Variants in COL27A1 observed in about 807,000 individuals in gnomAD.
COL27A1 encodes collagen type XXVII alpha 1 chain.
A neutral mutation model predicts 251.3 loss-of-function variants in COL27A1; 106 were observed. The ratio of observed to expected loss-of-function variants is 0.42; its 90% CI spans 0.36 to 0.50. COL27A1 has a LOEUF of 0.50. Among genes scored for constraint, COL27A1 ranks in the 20% least tolerant of loss-of-function variants. The pLI, the probability that COL27A1 is intolerant of heterozygous loss-of-function variation, is 0.00. For missense variants in COL27A1, 2,325 were observed against 2,522.8 expected, an observed-to-expected ratio of 0.92 and a Z score of 1.68; for synonymous variants, 1,000 against 986.3, an observed-to-expected ratio of 1.01 and a Z score of -0.26.
Position 114,269,204 on chromosome 9 carries a change from T to G in COL27A1, c.3502-37T>G, listed in dbSNP as rs201166408. ...GGGTGTCGAGAGCTGGGGCTGGCCC[T>G]ACCCACCCGCAAGGACTTTTGTTCG... On this transcript the variant is annotated intron_variant, in intron 34 of 60. Coordinates refer to ENST00000356083, the MANE Select transcript of COL27A1 (RefSeq NM_032888.4). 249 of 1,536,482 alleles carry G rather than the reference T, an allele frequency of 1.6e-4. 1 individual carries two copies. The Middle Eastern group carries it at 2.1e-3, about 13-fold the overall frequency.
At chr9:114,268,073 C>T (rs1022802649) in intron 34 of COL27A1, among the ~76,000 whole-genome samples, 2 of 152,226 alleles carry the variant, frequency 1.3e-5, no homozygotes, top group African/African-American at 4.8e-5. Flanking sequence ...GTCTCCCTGT[C>T]ATTCAAAGAG....
In COL27A1 at chr9:114,306,507, C is replaced by T. The variant is rs1314469075; in HGVS notation, c.4939-13C>T. ...ACCCTAAGGTCCCAATGACCACCCT[C>T]TCCTCGTGACAGAGTTACAGCTATC... On this transcript the variant is annotated splice_polypyrimidine_tract_variant and intron_variant, in intron 57 of 60. Coordinates refer to ENST00000356083, the MANE Select transcript of COL27A1 (RefSeq NM_032888.4). 1.2e-6 allele frequency: 2 copies of T among 1,613,598 alleles called. No individual in the cohort carries two copies. The highest frequency in any genetic ancestry group is 1.7e-5 in the Admixed American group (1 of 59,964).
chr9:114,178,212 G>A, intron 3 of COL27A1, 79 bp from the exon 4 acceptor site: 1 of 1,214,078 alleles, frequency 8.2e-7, no homozygotes, highest in Non-Finnish European at 1.2e-6. Flanking sequence ...CTGCAGGCGG[G>A]ATTGTTGAAT....
chr9:114,255,616 C>T (rs566263462), intron 27 of COL27A1, among the ~76,000 whole-genome samples: 1 of 152,188 alleles, frequency 6.6e-6, no homozygotes, highest in Admixed American at 6.5e-5. Context: ...CTCCCCACCC[C>T]ACCCCATCTC....
At chr9:114,249,706 C>T (rs1833392342) in intron 24 of COL27A1, among the ~76,000 whole-genome samples, 1 of 152,196 alleles carries the variant, frequency 6.6e-6, no homozygotes, top group African/African-American at 2.4e-5. Flanking sequence ...CCCAAGGTCT[C>T]ATTTTACTCT....
chr9:114,254,121 G>C (rs186664832), intron 27 of COL27A1, among the ~76,000 whole-genome samples: 1 of 151,936 alleles, frequency 6.6e-6, no homozygotes, highest in African/African-American at 2.4e-5. Context: ...AGTCTGGTAT[G>C]GGGGGGCAGG....
chr9:114,311,148 T>G lies in COL27A1; in HGVS notation c.*453T>G, dbSNP rs867034141. On this transcript the variant is annotated 3_prime_UTR_variant, in exon 61 of 61. Coordinates refer to ENST00000356083, the MANE Select transcript of COL27A1 (RefSeq NM_032888.4). Reference sequence around the variant, plus strand: ...AAGGAAAGACAGAAGTGTATATATATATTATTTAAACAAACAAAAAGAAGG... The same window carrying G: ...AAGGAAAGACAGAAGTGTATATATAGATTATTTAAACAAACAAAAAGAAGG... 1 of 153,074 alleles carries G rather than the reference T, an allele frequency of 6.5e-6. No homozygotes were observed. Among genetic ancestry groups the G allele is most frequent in the Non-Finnish European group, 1.5e-5 (1 of 68,712 alleles). The allele number at this position is 153,074 out of a possible 1,614,324, so 9.5% of individuals were successfully genotyped here.
chr9:114,300,019 A>G (rs781496127), intron 49 of COL27A1, 51 bp from the exon 50 acceptor site: 1 of 1,595,528 alleles, frequency 6.3e-7, no homozygotes, highest in Non-Finnish European at 8.6e-7. Context: ...GGCTGGCGGG[A>G]CACGCTGACC....
At chr9:114,166,257 GTCCATCCATCCATCCACCCA>G (rs1055835020) in intron 2 of COL27A1, among the ~76,000 whole-genome samples, 6 of 91,826 alleles carry the variant, frequency 6.5e-5, no homozygotes, top group Middle Eastern at 0.012. Context: ...CCATCCATCT[GTCCATCCATCCATCCACCCA>G]TCCATCCATC....
chr9:114,159,989 G>A lies in COL27A1; in HGVS notation c.63-2726G>A, dbSNP rs553414850. ...CAGCTTGACACTTTGACCTTTAGTCGTTGCCCATGGTGAGCTGGGGGCCTG... is the reference window on the plus strand; with the variant it reads ...CAGCTTGACACTTTGACCTTTAGTCATTGCCCATGGTGAGCTGGGGGCCTG... On this transcript the variant is annotated intron_variant, in intron 1 of 60. Transcript: ENST00000356083. Among the ~76,000 whole-genome samples the A allele has an allele frequency of 5.9e-5, 9 of 152,284 alleles. No homozygotes were observed. In the South Asian group the frequency reaches 8.3e-4, roughly 14 times the overall value.
chr9:114,301,046 C>G, intron 51 of COL27A1, 26 bp from the exon 52 acceptor site: 1 of 1,585,726 alleles, frequency 6.3e-7, no homozygotes, highest in Non-Finnish European at 8.6e-7. Flanking sequence ...GGAACAAGGA[C>G]ACATGAGCCT....
At chr9:114,301,773 G>A in intron 55 of COL27A1, 56 bp downstream of exon 55, 10 of 1,527,758 alleles carry the variant, frequency 6.5e-6, no homozygotes, top group Non-Finnish European at 8.1e-6. Context: ...CTTTGAAGGA[G>A]ATTCAAGGCT....
chr9:114,239,210 T>A (rs1832596178), intron 19 of COL27A1, among the ~76,000 whole-genome samples: 1 of 152,236 alleles, frequency 6.6e-6, no homozygotes, highest in African/African-American at 2.4e-5. Flanking sequence ...CATCAGTGGG[T>A]TATATGCAAG....
Position 114,243,534 on chromosome 9 carries a change from G to A in COL27A1, c.2908G>A (p.Gly970Arg). 1 of 1,613,884 alleles carries A rather than the reference G, an allele frequency of 6.2e-7. No individual in the cohort carries two copies. Among genetic ancestry groups the A allele is most frequent in the Admixed American group, 1.7e-5 (1 of 60,006 alleles). ...TCAGCCTGGCAGGAAGGGGTTTCCT[G>A]GGAGGCCCGGCCTGGATGGCGTGAA... ...EGQPGRKGFP[G>R]RPGLDGVKGE... Residue 970 changes from glycine (G) to arginine (R), a missense_variant, in exon 23 of 61, where the codon GGG (glycine) becomes AGG (arginine). Coordinates refer to ENST00000356083, the MANE Select transcript of COL27A1 (RefSeq NM_032888.4).
intron 25 of COL27A1, among the ~76,000 whole-genome samples, chr9:114,250,934 C>T (rs976457265): frequency 6.6e-6 from 1 of 152,184 alleles, no homozygotes; most frequent in South Asian, 2.1e-4. Context: ...CTCCTCACAG[C>T]TGCCTACTGG....
chr9:114,267,833 C>T (rs193001414), intron 34 of COL27A1, among the ~76,000 whole-genome samples: 380 of 152,314 alleles, frequency 2.5e-3, no homozygotes, highest in Admixed American at 4.1e-3. Context: ...ATCTGCAGCT[C>T]GGTGCCAGTG....
At chr9:114,163,085 T>G in intron 2 of COL27A1, among the ~76,000 whole-genome samples, 1 of 151,938 alleles carries the variant, frequency 6.6e-6, no homozygotes, top group Non-Finnish European at 1.5e-5. Flanking sequence ...AATACAAAAA[T>G]TAGCTGGGTG....
At chr9:114,257,142 G>A (rs993853922) in intron 27 of COL27A1, among the ~76,000 whole-genome samples, 37 of 152,248 alleles carry the variant, frequency 2.4e-4, no homozygotes, top group Non-Finnish European at 5.9e-5. Context: ...CATGGGGAAA[G>A]GGAAATGGGA....
In COL27A1 at chr9:114,275,753, C is replaced by T. The variant is rs62640054; in HGVS notation, c.3702C>T (p.Gly1234=). The T allele has an allele frequency of 9.1e-4, 1,411 of 1,547,486 alleles. 7 individuals are homozygous for T. Among genetic ancestry groups the T allele is most frequent in the South Asian group, 3.4e-3 (284 of 83,872 alleles). ...MGEDGPPGPP[G]VTGVRGPEGK... is the part of the protein sequence containing the mutation. Reference sequence around the variant, plus strand: ...AGGACGGGCCCCCCGGCCCCCCTGGCGTCACTGGTGTCCGGGTGAGTGTGC... The same window carrying T: ...AGGACGGGCCCCCCGGCCCCCCTGGTGTCACTGGTGTCCGGGTGAGTGTGC... The change falls in exon 37 of 61, where the codon GGC becomes GGT. Residue 1234 remains glycine, a synonymous_variant. Transcript: ENST00000356083.
Sources: gnomAD v4.1 joint callset for allele counts (sites outside exome capture counted in the v4.1 genomes callset) on GRCh38, gnomAD v4.1.1 for gene constraint, MANE v1.5 for transcripts, NCBI Gene and HGNC (gene_info 2026-07-23, HGNC 2026-07-21) for gene names.